The following PLD5 variants were observed in gnomAD, a reference collection of about 807,000 sequenced individuals.
The protein encoded by PLD5 is phospholipase D family member 5.
A neutral mutation model predicts 61.1 loss-of-function variants in PLD5; 36 were observed. The ratio of observed to expected loss-of-function variants is 0.59; its 90% CI spans 0.45 to 0.78. The LOEUF (loss-of-function observed/expected upper bound fraction) is 0.78, where lower values mean the gene tolerates loss of function less well. Among genes scored for constraint, PLD5 ranks in the 30% least tolerant of loss-of-function variants. The probability of loss-of-function intolerance (pLI) is 0.00; values close to 1 mark genes in which losing one functional copy is unlikely to be tolerated. For synonymous variants in PLD5, 243 were observed against 242.8 expected (o/e 1.00, Z -0.01); for missense variants, 515 against 644.4 (o/e 0.80, Z 2.17).
At chr1:242,485,735 A>G in intron 1 of PLD5, among the ~76,000 whole-genome samples, 1 of 152,202 alleles carries the variant, frequency 6.6e-6, no homozygotes, top group East Asian at 1.9e-4. Context: ...ATATGGAACC[A>G]AAAAAGAGCT....
chr1:242,212,163 C>T (rs939227296), intron 5 of PLD5, among the ~76,000 whole-genome samples: 2 of 152,090 alleles, frequency 1.3e-5, no homozygotes, highest in African/African-American at 2.4e-5. Context: ...CCCTCAGCCC[C>T]GATATCACCA....
intron 1 of PLD5, among the ~76,000 whole-genome samples, chr1:242,504,212 GA>G (rs1282410199): frequency 6.6e-6 from 1 of 152,182 alleles, no homozygotes; most frequent in Non-Finnish European, 1.5e-5. Context: ...AGGTCCAACT[GA>G]CTGAAACAAA....
chr1:242,191,588 G>GA (rs1326292186), intron 5 of PLD5, among the ~76,000 whole-genome samples: 2 of 150,828 alleles, frequency 1.3e-5, no homozygotes, highest in Admixed American at 6.6e-5. Context: ...GCTGTCTCGA[G>GA]AAAAAAGAAA....
chr1:242,132,809 T>C (rs1663395397), intron 5 of PLD5, among the ~76,000 whole-genome samples: 1 of 152,158 alleles, frequency 6.6e-6, no homozygotes, highest in Non-Finnish European at 1.5e-5. Context: ...ACATGACTAA[T>C]TGAAGAGACA....
intron 4 of PLD5, among the ~76,000 whole-genome samples, chr1:242,240,083 G>A (rs1671899767): frequency 6.6e-6 from 1 of 152,172 alleles, no homozygotes; most frequent in Non-Finnish European, 1.5e-5. Context: ...ACCTCTTCAA[G>A]ACCTCCCGAG....
chr1:242,113,328 C>T (rs1362393524), intron 7 of PLD5, among the ~76,000 whole-genome samples: 3 of 151,988 alleles, frequency 2.0e-5, no homozygotes, highest in Non-Finnish European at 4.4e-5. Flanking sequence ...CTCCTGACCT[C>T]GTGATCCGCC....
At chr1:242,412,376 C>G (rs143898768) in intron 1 of PLD5, among the ~76,000 whole-genome samples, 20 of 152,266 alleles carry the variant, frequency 1.3e-4, no homozygotes, top group African/African-American at 4.8e-4. Flanking sequence ...AACCAGGATA[C>G]TGACATTGAT....
chr1:242,149,412 G>A (rs952242147), intron 5 of PLD5, among the ~76,000 whole-genome samples: 2 of 151,406 alleles, frequency 1.3e-5, no homozygotes, highest in African/African-American at 2.4e-5. Flanking sequence ...TCCCATCCAT[G>A]TTTATGACAG....
intron 1 of PLD5, among the ~76,000 whole-genome samples, chr1:242,490,033 G>A (rs532348121): frequency 7.2e-4 from 110 of 152,300 alleles, no homozygotes; most frequent in Admixed American, 1.9e-3. Flanking sequence ...ACTTTTAAGA[G>A]ATCCACTAAA....
intron 5 of PLD5, among the ~76,000 whole-genome samples, chr1:242,163,944 G>T (rs1470652251): frequency 6.6e-6 from 1 of 152,044 alleles, no homozygotes; most frequent in East Asian, 1.9e-4. Context: ...CATTCCAGCA[G>T]ATGTGAATAA....
At chr1:242,452,827 G>A (rs1666829361) in intron 1 of PLD5, among the ~76,000 whole-genome samples, 1 of 151,730 alleles carries the variant, frequency 6.6e-6, no homozygotes, top group Non-Finnish European at 1.5e-5. Context: ...CACCCCTGAT[G>A]TGGACATCCG....
chr1:242,425,173 T>C lies in PLD5; in HGVS notation c.190-76931A>G, dbSNP rs142796576. Reference sequence around the variant, plus strand: ...ATGTGTTGTTGCTTAATGATGGAGATACGTTCTGTGAAATGTGTCACTAGG... The same window carrying C: ...ATGTGTTGTTGCTTAATGATGGAGACACGTTCTGTGAAATGTGTCACTAGG... On this transcript the variant is annotated intron_variant, in intron 1 of 9. Coordinates refer to ENST00000536534, the MANE Select transcript of PLD5 (RefSeq NM_001372062.1). Among the ~76,000 whole-genome samples the C allele has an allele frequency of 6.8e-4, 104 of 152,290 alleles. 1 individual carries two copies. In the Middle Eastern group the frequency reaches 0.01, roughly 15 times the overall value.
chr1:242,474,959 T>C (rs1667543226), intron 1 of PLD5, among the ~76,000 whole-genome samples: 1 of 152,236 alleles, frequency 6.6e-6, no homozygotes, highest in South Asian at 2.1e-4. Flanking sequence ...ATATTGTCCA[T>C]AATTTATGAG....
At chr1:242,313,076 C>T (rs1241597974) in intron 2 of PLD5, among the ~76,000 whole-genome samples, 5 of 152,154 alleles carry the variant, frequency 3.3e-5, no homozygotes. Flanking sequence ...AGACAATGTA[C>T]ATAAAGGATT....
chr1:242,352,914 G>A (rs998451149), intron 1 of PLD5, among the ~76,000 whole-genome samples: 9 of 152,132 alleles, frequency 5.9e-5, no homozygotes, highest in African/African-American at 9.7e-5. Flanking sequence ...ATAGAGTTGA[G>A]TTTCTTGTAT....
chr1:242,365,542 C>T (rs562525425), intron 1 of PLD5: 139 of 159,480 alleles, frequency 8.7e-4, no homozygotes, highest in Non-Finnish European at 1.7e-3. Flanking sequence ...TCAAGCAGAT[C>T]CCGTAAGTCC....
Position 242,107,670 on chromosome 1 carries a change from C to G in PLD5, c.1239+1G>C, listed in dbSNP as rs1661170851. The G allele has an allele frequency of 7.0e-6, 11 of 1,581,860 alleles. No individual in the cohort carries two copies. Among genetic ancestry groups the G allele is most frequent in the Non-Finnish European group, 8.6e-6 (10 of 1,168,928 alleles). ...AATAACACAGTCAACGTAATACTTA[C>G]AACTTTCAAACTGCAGTTGGCTATT... On this transcript the variant is annotated splice_donor_variant, in intron 8 of 9. Coordinates refer to ENST00000536534, the MANE Select transcript of PLD5 (RefSeq NM_001372062.1). LOFTEE classifies it high-confidence loss of function.
chr1:242,512,229 G>A (rs1311333542), intron 1 of PLD5, among the ~76,000 whole-genome samples: 1 of 150,540 alleles, frequency 6.6e-6, no homozygotes, highest in Non-Finnish European at 1.5e-5. Context: ...GGCTAACACG[G>A]TGAAACCTCG....
intron 2 of PLD5, among the ~76,000 whole-genome samples, chr1:242,325,409 G>T (rs1273751660): frequency 2.8e-5 from 4 of 145,232 alleles, no homozygotes; most frequent in Admixed American, 6.9e-5. Context: ...TGGGGGTTGT[G>T]GGGGGAGAGC....
Sources: gnomAD v4.1 joint callset for allele counts (sites outside exome capture counted in the v4.1 genomes callset) on GRCh38, gnomAD v4.1.1 for gene constraint, MANE v1.5 for transcripts, NCBI Gene and HGNC (gene_info 2026-07-23, HGNC 2026-07-21) for gene names.